The following MYO1F variants were observed in gnomAD, a reference collection of about 807,000 sequenced individuals.
MYO1F encodes unconventional myosin-If.
A neutral mutation model predicts 146.6 loss-of-function variants in MYO1F; 60 were observed. The ratio of observed to expected loss-of-function variants is 0.41; its 90% CI spans 0.33 to 0.51. The LOEUF is 0.51. Among genes scored for constraint, MYO1F ranks in the 20% least tolerant of loss-of-function variants. MYO1F has a pLI of 0.25. For missense variants in MYO1F, 1,274 were observed against 1,534.3 expected (o/e 0.83, Z 2.83); for synonymous variants, 602 against 602.1 (o/e 1.00, Z 0.00).
At chr19:8,571,495 A>G (rs1555731866) in intron 1 of MYO1F, among the ~76,000 whole-genome samples, 3 of 150,690 alleles carry the variant, frequency 2.0e-5, no homozygotes, top group African/African-American at 7.3e-5. Context: ...GCTCACTGCA[A>G]CCTCCACCTC....
intron 6 of MYO1F, 48 bp downstream of exon 6, chr19:8,553,091 G>T: frequency 6.4e-7 from 1 of 1,558,372 alleles, no homozygotes; most frequent in Non-Finnish European, 8.8e-7. Context: ...GTGTAGAAAG[G>T]TCAGCACGGA....
At chr19:8,526,682 G>T in intron 23 of MYO1F, 81 bp from the exon 24 acceptor site, 2 of 1,540,120 alleles carry the variant, frequency 1.3e-6, no homozygotes, top group Non-Finnish European at 1.7e-6. Context: ...GGCAGGGGCG[G>T]GGCCGCGGCC....
intron 1 of MYO1F, among the ~76,000 whole-genome samples, chr19:8,562,881 T>A (rs2041931711): frequency 6.6e-6 from 1 of 152,150 alleles, no homozygotes. Flanking sequence ...ATGCCGGTGG[T>A]GGCGTTAAAA....
chr19:8,524,582 CAAAA>C (rs35275313), intron 25 of MYO1F, among the ~76,000 whole-genome samples: 9 of 132,048 alleles, frequency 6.8e-5, no homozygotes, highest in Admixed American at 7.6e-5. Context: ...GAGACTGTCT[CAAAA>C]AAAAAAAAAA....
At chr19:8,539,470 C>T (rs780819056) in intron 16 of MYO1F, among the ~76,000 whole-genome samples, 2 of 151,784 alleles carry the variant, frequency 1.3e-5, no homozygotes, top group Non-Finnish European at 2.9e-5. Context: ...GTGGCGCATG[C>T]TTGTAATCCC....
At chr19:8,575,626 G>T (rs2042226469) in intron 1 of MYO1F, among the ~76,000 whole-genome samples, 1 of 152,098 alleles carries the variant, frequency 6.6e-6, no homozygotes, top group Admixed American at 6.6e-5. Context: ...AAGGACTTCA[G>T]AAATACTGTT....
At chr19:8,539,841 G>A (rs1972881987) in intron 16 of MYO1F, 106 bp downstream of exon 16, 1 of 993,268 alleles carries the variant, frequency 1.0e-6, no homozygotes, top group African/African-American at 1.6e-5. Context: ...CCCCAGGATT[G>A]GTAGACAGAC....
At chr19:8,531,699 G>C (rs1398605273) in intron 19 of MYO1F, among the ~76,000 whole-genome samples, 1 of 152,232 alleles carries the variant, frequency 6.6e-6, no homozygotes. Context: ...GCTTTTGCAA[G>C]AAACGGTATG....
intron 27 of MYO1F, 35 bp downstream of exon 27, chr19:8,522,342 T>A: frequency 6.2e-7 from 1 of 1,613,074 alleles, no homozygotes; most frequent in Non-Finnish European, 8.5e-7. Flanking sequence ...TTCTTACCAC[T>A]CCCCTCACCC....
intron 16 of MYO1F, among the ~76,000 whole-genome samples, chr19:8,538,225 C>G (rs2967772): frequency 0.11 from 16,238 of 149,812 alleles, 946 homozygotes; most frequent in East Asian, 0.14. Flanking sequence ...CTCAGCCTCC[C>G]AAAGTCCTGG....
At position 8,544,174 on chromosome 19, in the gene MYO1F, A is replaced by G. The variant is rs1160595240; in HGVS notation, c.1524+123T>C. 20 of 1,055,300 alleles carry G rather than the reference A, an allele frequency of 1.9e-5. No homozygotes were observed. In the East Asian group the frequency reaches 4.1e-4, roughly 21 times the overall value. 65.4% of individuals were successfully genotyped at this position (1,055,300 alleles called of 1,614,324 possible). ...TTGAGGCGGGGGACAGTGGAATTCT[A>G]CAGCCCTGGATAAGGGTCCTAGCAG... On this transcript the variant is annotated intron_variant, in intron 14 of 27. Coordinates refer to ENST00000644032, the MANE Select transcript of MYO1F (RefSeq NM_012335.4).
rs974527492 is a variant in MYO1F, at chr19:8,542,056, G to T, written c.1525-65C>A. On this transcript the variant is annotated intron_variant, in intron 14 of 27. Transcript: ENST00000644032. ...ACCTGGCTGGGAGGGTGGGCGTGGG[G>T]TGCTTACAGCCCAGGTGGTCAAGGC... 226 of 1,306,334 alleles carry T rather than the reference G, an allele frequency of 1.7e-4. 1 individual carries two copies. Among genetic ancestry groups the T allele is most frequent in the Admixed American group, 6.9e-4 (40 of 58,134 alleles). 80.9% of individuals were successfully genotyped at this position (1,306,334 alleles called of 1,614,324 possible).
intron 1 of MYO1F, among the ~76,000 whole-genome samples, chr19:8,562,785 C>T (rs1044402189): frequency 6.6e-5 from 10 of 152,004 alleles, no homozygotes; most frequent in Admixed American, 6.6e-4. Context: ...CCTCCTGCCT[C>T]AGTCTCCCAG....
At chr19:8,527,290 AG>A in intron 22 of MYO1F, 47 bp downstream of exon 22, 1 of 1,612,862 alleles carries the variant, frequency 6.2e-7, no homozygotes, top group Non-Finnish European at 8.5e-7. Flanking sequence ...GAGGGCAGCC[AG>A]GGGACAGGTG....
intron 12 of MYO1F, chr19:8,547,742 CA>C: frequency 4.7e-6 from 2 of 424,162 alleles, no homozygotes; most frequent in Non-Finnish European, 8.8e-6. Context: ...ATGAAGACAG[CA>C]GGGACTATTG....
At chr19:8,563,116 C>T (rs182569847) in intron 1 of MYO1F, among the ~76,000 whole-genome samples, 52 of 149,526 alleles carry the variant, frequency 3.5e-4, no homozygotes, top group South Asian at 1.1e-3. Flanking sequence ...CTCAGCCTCC[C>T]GAGTAGCTGG....
At position 8,555,722 on chromosome 19, in the gene MYO1F, G is replaced by T; in HGVS notation, c.78C>A (p.Pro26=). Residue 26 remains proline (P), a synonymous_variant, in exon 2 of 28, where the codon CCC becomes CCA. Transcript: ENST00000644032. ...QSGVDDMVLL[P]QITEDAIAAN... The stretch of plus-strand genomic sequence containing the variant: ...CGGCAATGGCGTCTTCGGTGATCTG[G>T]GGAAGAAGCACCATGTCATCCACGC... The T allele has an allele frequency of 6.2e-7, 1 of 1,614,100 alleles. No individual in the cohort carries two copies. Among genetic ancestry groups the T allele is most frequent in the Non-Finnish European group, 8.5e-7 (1 of 1,180,028 alleles).
chr19:8,556,785 G>T (rs1036762738), intron 1 of MYO1F, among the ~76,000 whole-genome samples: 8 of 151,896 alleles, frequency 5.3e-5, no homozygotes, highest in African/African-American at 1.9e-4. Context: ...TACTCGGGAG[G>T]CTGAGGCAGG....
intron 1 of MYO1F, among the ~76,000 whole-genome samples, chr19:8,561,730 T>C (rs13345078): frequency 0.016 from 2,455 of 151,292 alleles, 67 homozygotes; most frequent in African/African-American, 0.054. Context: ...TTTTTTTGTT[T>C]GTTTGAGATG....
Sources: allele counts gnomAD v4.1 joint callset (sites outside exome capture counted in the v4.1 genomes callset), GRCh38; gene constraint gnomAD v4.1.1; transcripts MANE v1.5; gene names NCBI Gene and HGNC (gene_info 2026-07-23, HGNC 2026-07-21).